NARS2: variants seen among roughly 807,000 people sequenced by gnomAD.
NARS2 encodes the protein asparaginyl-tRNA synthetase 2, mitochondrial.
Under a neutral mutation model 62.9 loss-of-function variants are expected in NARS2, and 60 were observed. The ratio of observed to expected loss-of-function variants is 0.95; its 90% confidence interval spans 0.77 to 1.18. NARS2 has a LOEUF of 1.18. Among genes scored for constraint, NARS2 ranks in the 50% most tolerant of loss-of-function variants. The pLI, the probability that NARS2 is intolerant of heterozygous loss-of-function variation, is 0.00. For missense variants in NARS2, 619 were observed against 576.4 expected (o/e 1.07, Z -0.76); for synonymous variants, 196 against 200.0 (o/e 0.98, Z 0.17).
intron 1 of NARS2, 200 bp from the exon 2 acceptor site, chr11:78,571,644 T>A (rs1856928115): frequency 4.2e-6 from 2 of 472,542 alleles, no homozygotes; most frequent in Admixed American, 6.9e-5. Context: ...TTCTATCTTT[T>A]GTTTTCGTAA....
chr11:78,560,322 T>C (rs938012978), intron 4 of NARS2, among the ~76,000 whole-genome samples: 1 of 152,146 alleles, frequency 6.6e-6, no homozygotes, highest in Non-Finnish European at 1.5e-5. Flanking sequence ...GGTCCCCAAA[T>C]GGAGCTCTTC....
At chr11:78,522,166 C>T (rs973327485) in intron 6 of NARS2, among the ~76,000 whole-genome samples, 5 of 149,658 alleles carry the variant, frequency 3.3e-5, no homozygotes, top group Non-Finnish European at 1.5e-5. Context: ...GTGTGTTGCC[C>T]AAGCTGGTCT....
chr11:78,525,519 C>A (rs1156378760), intron 6 of NARS2, among the ~76,000 whole-genome samples: 2 of 152,064 alleles, frequency 1.3e-5, no homozygotes, highest in Non-Finnish European at 2.9e-5. Context: ...TAACACAGCA[C>A]TGAATTATAA....
intron 6 of NARS2, among the ~76,000 whole-genome samples, chr11:78,521,806 A>AG (rs1472288874): frequency 4.0e-5 from 6 of 151,424 alleles, no homozygotes; most frequent in Non-Finnish European, 7.4e-5. Flanking sequence ...AAAAAAAAAA[A>AG]AAAGAAAAGC....
intron 6 of NARS2, among the ~76,000 whole-genome samples, chr11:78,515,203 C>G (rs1237280799): frequency 6.6e-6 from 1 of 152,056 alleles, no homozygotes; most frequent in Non-Finnish European, 1.5e-5. Context: ...TACATATGAA[C>G]AGTAAATGCT....
At chr11:78,474,298 G>GT (rs749137953) in intron 9 of NARS2, among the ~76,000 whole-genome samples, 8 of 152,012 alleles carry the variant, frequency 5.3e-5, no homozygotes, top group Non-Finnish European at 1.0e-4. Context: ...GTTCATAGTC[G>GT]TAATTACATT....
At chr11:78,506,239 T>C (rs1034802221) in intron 6 of NARS2, among the ~76,000 whole-genome samples, 2 of 152,258 alleles carry the variant, frequency 1.3e-5, no homozygotes, top group African/African-American at 4.8e-5. Flanking sequence ...CCTCATCCAC[T>C]GCTAGCGGGC....
rs1291240939 is a variant in NARS2 at position 78,456,895 on chromosome 11, C to T, written c.1164+8981G>A. ...TAGATTCATTTTCCCATGATCTGTC[C>T]CTTTCAAATGATCAAATATGCTCAG... On this transcript the variant is annotated intron_variant, in intron 11 of 13. Coordinates refer to ENST00000281038, the MANE Select transcript of NARS2 (RefSeq NM_024678.6). 3.3e-5 allele frequency among the ~76,000 whole-genome samples: 5 copies of T among 152,294 alleles called. No individual in the cohort carries two copies. In the East Asian group the frequency reaches 9.6e-4, roughly 29 times the overall value.
rs764254167 is a variant in NARS2 at position 78,468,310 on chromosome 11, G to GAAAAAAAAAAAA, written c.1026+925_1026+936dup. 3.5e-3 allele frequency among the ~76,000 whole-genome samples: 233 copies of GAAAAAAAAAAAA among 67,400 alleles called. 3 individuals carry two copies. Among genetic ancestry groups the GAAAAAAAAAAAA allele is most frequent in the African/African-American group, 0.013 (223 of 17,042 alleles). 44.2% of individuals were successfully genotyped at this position (67,400 alleles called of 152,430 possible). ...ACCTGCTTCTGCAAGCACTAAATCT[G>GAAAAAAAAAAAA]AAAAAAAAAAAAAAAAAAGAAAAAA... On this transcript the variant is annotated intron_variant, in intron 10 of 13. Coordinates refer to ENST00000281038, the MANE Select transcript of NARS2 (RefSeq NM_024678.6).
intron 5 of NARS2, among the ~76,000 whole-genome samples, chr11:78,546,326 C>A (rs915131550): frequency 6.6e-6 from 1 of 152,106 alleles, no homozygotes. Flanking sequence ...CGGAGCCATT[C>A]CAAAAAAACA....
chr11:78,480,473 T>C (rs1013274879), intron 7 of NARS2, among the ~76,000 whole-genome samples: 11 of 152,122 alleles, frequency 7.2e-5, no homozygotes, highest in Non-Finnish European at 1.6e-4. Flanking sequence ...CAGGCTGGTC[T>C]TGAACTCTTG....
chr11:78,514,806 CACATTAG>C (rs1860844672), intron 6 of NARS2, among the ~76,000 whole-genome samples: 1 of 152,062 alleles, frequency 6.6e-6, no homozygotes, highest in African/African-American at 2.4e-5. Flanking sequence ...GCAGAGTTAG[CACATTAG>C]ACAGAGACAC....
intron 6 of NARS2, among the ~76,000 whole-genome samples, chr11:78,513,478 A>G (rs1590799950): frequency 6.6e-6 from 1 of 151,790 alleles, no homozygotes; most frequent in East Asian, 1.9e-4. Context: ...AGATCCCACA[A>G]ATAAGTAAGA....
At chr11:78,528,785 A>C (rs1206033249) in intron 6 of NARS2, 57 bp downstream of exon 6, 4 of 1,083,814 alleles carry the variant, frequency 3.7e-6, no homozygotes, top group Non-Finnish European at 4.2e-6. Context: ...TGGGAAGGGA[A>C]GCACTCTCAA....
In NARS2 at chr11:78,561,242, G is replaced by A. The variant is rs528948383; in HGVS notation, c.514-1623C>T. On this transcript the variant is annotated intron_variant, in intron 4 of 13. Coordinates refer to ENST00000281038, the MANE Select transcript of NARS2 (RefSeq NM_024678.6). ...CTAACGTTACCAAATGCTAATAAAG[G>A]AGAGAGTACAAAGGAAGAATAATAC... Among the ~76,000 whole-genome samples, 36 of 152,278 alleles carry A rather than the reference G, an allele frequency of 2.4e-4. No homozygotes were observed. The South Asian group carries it at 5.0e-3, about 21-fold the overall frequency.
chr11:78,468,792 C>CT (rs538005557), intron 10 of NARS2, among the ~76,000 whole-genome samples: 3,244 of 130,632 alleles, frequency 0.025, 106 homozygotes, highest in African/African-American at 0.074. Flanking sequence ...TAAAAATTCA[C>CT]TTTTTTTTTT....
rs192033190 is a variant in NARS2 at position 78,439,259 on chromosome 11, G to A, written c.1289+1832C>T. On this transcript the variant is annotated intron_variant, in intron 13 of 13. Transcript: ENST00000281038. ...TTACCATGTTGGTCAGGCTGGTCTC[G>A]AACTCCTGACCTCAAGTGATCCACC... 4.1e-4 allele frequency among the ~76,000 whole-genome samples: 62 copies of A among 152,158 alleles called. 1 individual carries two copies. The East Asian group carries it at 8.1e-3, about 20-fold the overall frequency.
chr11:78,456,191 T>C (rs944136771), intron 11 of NARS2, among the ~76,000 whole-genome samples: 1 of 152,236 alleles, frequency 6.6e-6, no homozygotes, highest in African/African-American at 2.4e-5. Context: ...TTCACTTTTA[T>C]CTCAGTTGCT....
At chr11:78,532,209 A>T (rs1468549135) in intron 5 of NARS2, among the ~76,000 whole-genome samples, 2 of 152,214 alleles carry the variant, frequency 1.3e-5, no homozygotes, top group East Asian at 3.8e-4. Flanking sequence ...TGACTTTATC[A>T]GTGGGGAAGG....
Sources: allele counts gnomAD v4.1 joint callset (sites outside exome capture counted in the v4.1 genomes callset), GRCh38; gene constraint gnomAD v4.1.1; transcripts MANE v1.5; gene names NCBI Gene and HGNC (gene_info 2026-07-23, HGNC 2026-07-21).